Variants in PPP1R9A observed in about 807,000 individuals in gnomAD.
The protein encoded by PPP1R9A is neurabin-1.
PPP1R9A carries 59 observed loss-of-function variants against 141.9 expected under a neutral mutation model. That is an observed-to-expected ratio of 0.42 (90% CI 0.34 to 0.52). The LOEUF (loss-of-function observed/expected upper bound fraction) is 0.52, where lower values mean the gene tolerates loss of function less well. PPP1R9A is among the 20% of genes least tolerant of loss of function. The probability of loss-of-function intolerance (pLI) is 0.10; values close to 1 mark genes in which losing one functional copy is unlikely to be tolerated. For missense variants in PPP1R9A, 1,444 were observed against 1,611.9 expected, an observed-to-expected ratio of 0.90 and a Z score of 1.78; for synonymous variants, 500 against 569.7, an observed-to-expected ratio of 0.88 and a Z score of 1.74.
intron 7 of PPP1R9A, among the ~76,000 whole-genome samples, chr7:95,219,368 G>A (rs1026695471): frequency 1.3e-5 from 2 of 152,094 alleles, no homozygotes; most frequent in African/African-American, 4.8e-5. Flanking sequence ...CCCTTTGTGG[G>A]TAACCCGATG....
intron 4 of PPP1R9A, among the ~76,000 whole-genome samples, chr7:95,133,502 A>T (rs1270251645): frequency 8.7e-6 from 1 of 114,438 alleles, no homozygotes; most frequent in African/African-American, 3.3e-5. Context: ...AGGATATATT[A>T]TGCAGTCGTA....
intron 4 of PPP1R9A, among the ~76,000 whole-genome samples, chr7:95,153,818 A>C (rs763983481): frequency 6.6e-6 from 1 of 152,146 alleles, no homozygotes; most frequent in Non-Finnish European, 1.5e-5. Flanking sequence ...CTCATTACTT[A>C]TTATTGATCT....
intron 8 of PPP1R9A, among the ~76,000 whole-genome samples, chr7:95,234,385 G>A (rs28829005): frequency 0.011 from 1,747 of 152,172 alleles, 27 homozygotes; most frequent in African/African-American, 0.04. Flanking sequence ...CACCAACAGC[G>A]ACCAAGCTGA....
intron 2 of PPP1R9A, among the ~76,000 whole-genome samples, chr7:94,984,841 T>A (rs1291382322): frequency 7.2e-5 from 11 of 151,996 alleles, no homozygotes; most frequent in Non-Finnish European, 1.6e-4. Context: ...CTTCAGTTCT[T>A]TTCTGATCTT....
intron 5 of PPP1R9A, among the ~76,000 whole-genome samples, chr7:95,162,544 C>A (rs2152715337): frequency 6.6e-6 from 1 of 152,176 alleles, no homozygotes; most frequent in South Asian, 2.1e-4. Context: ...AAGTAAGAAG[C>A]AGTTTAGAGC....
intron 2 of PPP1R9A, among the ~76,000 whole-genome samples, chr7:94,970,004 A>C (rs1798684060): frequency 6.6e-6 from 1 of 152,084 alleles, no homozygotes; most frequent in African/African-American, 2.4e-5. Context: ...GCCCCCACCA[A>C]GCTGGGGTGT....
rs1344778262 is a variant in PPP1R9A, at chr7:95,293,057, C to T, written c.*2754C>T. ...AATATCTGGTTGCTATGAACTGATT[C>T]CCTAAAGGAGAGCTCAGTATGATTC... On this transcript the variant is annotated 3_prime_UTR_variant, in exon 20 of 20. Transcript: ENST00000433360. 2.0e-5 allele frequency: 3 copies of T among 152,108 alleles called. No homozygotes were observed. Among genetic ancestry groups the T allele is most frequent in the African/African-American group, 7.2e-5 (3 of 41,422 alleles). 9.4% of individuals were successfully genotyped at this position (152,108 alleles called of 1,614,324 possible).
intron 8 of PPP1R9A, among the ~76,000 whole-genome samples, chr7:95,233,637 C>A (rs1796284153): frequency 6.6e-6 from 1 of 152,116 alleles, no homozygotes; most frequent in Non-Finnish European, 1.5e-5. Flanking sequence ...GACACTTTTC[C>A]AAAAGACAGA....
Position 95,141,627 on chromosome 7 carries a change from T to C in PPP1R9A, c.1650-20240T>C, listed in dbSNP as rs1826709784. Among the ~76,000 whole-genome samples, 3 of 123,642 alleles carry C rather than the reference T, an allele frequency of 2.4e-5. No homozygotes were observed. The Admixed American group carries it at 2.6e-4, about 11-fold the overall frequency. 81.1% of individuals were successfully genotyped at this position (123,642 alleles called of 152,430 possible). A position where few individuals can be genotyped will look rare whatever the true frequency, so the allele number is the denominator to read the frequency against. Reference sequence around the variant, plus strand: ...TAAATGGAATACAGTATGTGGTCTTTTGTGACTGGCTTTTTTTTTTTTAAC... The same window carrying C: ...TAAATGGAATACAGTATGTGGTCTTCTGTGACTGGCTTTTTTTTTTTTAAC... On this transcript the variant is annotated intron_variant, in intron 4 of 19. Coordinates refer to ENST00000433360, the MANE Select transcript of PPP1R9A (RefSeq NM_001166160.2).
chr7:95,014,376 C>T lies in PPP1R9A; in HGVS notation c.1396-96883C>T, dbSNP rs192500571. Among the ~76,000 whole-genome samples the T allele has an allele frequency of 3.4e-4, 52 of 152,026 alleles. No homozygotes were observed. In the East Asian group the frequency reaches 7.0e-3, roughly 20 times the overall value. ...AGTTAATTGATAAAATATTCATAAG[C>T]TTGGGTTTATCTGCTCTTTCCTCAT... On this transcript the variant is annotated intron_variant, in intron 2 of 19. Transcript: ENST00000433360.
chr7:95,125,087 A>C (rs182838225), intron 4 of PPP1R9A, among the ~76,000 whole-genome samples: 136 of 152,286 alleles, frequency 8.9e-4, no homozygotes, highest in African/African-American at 2.9e-3. Flanking sequence ...TGATGCCTTA[A>C]ACTTACAGGG....
At chr7:95,287,015 A>G (rs1805477205) in intron 18 of PPP1R9A, 3 of 1,357,880 alleles carry the variant, frequency 2.2e-6, no homozygotes, top group Admixed American at 1.8e-5. Context: ...AGCTTGGTGC[A>G]ATTTTAATTT....
intron 2 of PPP1R9A, among the ~76,000 whole-genome samples, chr7:95,090,624 A>C (rs118142120): frequency 0.023 from 3,515 of 152,000 alleles, 57 homozygotes; most frequent in Non-Finnish European, 0.034. Context: ...CCTGGTCAAC[A>C]TAGTGAAACA....
chr7:94,915,564 A>G (rs914229940), intron 2 of PPP1R9A, among the ~76,000 whole-genome samples: 1 of 152,240 alleles, frequency 6.6e-6, no homozygotes, highest in African/African-American at 2.4e-5. Context: ...CTCAGAAAAC[A>G]AATTAAAATG....
At chr7:95,192,605 T>C (rs2152836199) in intron 5 of PPP1R9A, among the ~76,000 whole-genome samples, 1 of 152,174 alleles carries the variant, frequency 6.6e-6, no homozygotes, top group East Asian at 1.9e-4. Context: ...GATTATATAA[T>C]ATTTGTTCTG....
chr7:95,237,965 C>T (rs1796940525), intron 8 of PPP1R9A, among the ~76,000 whole-genome samples: 1 of 151,992 alleles, frequency 6.6e-6, no homozygotes, highest in Non-Finnish European at 1.5e-5. Context: ...TTAGGTACAT[C>T]AAATTTTCAT....
intron 2 of PPP1R9A, among the ~76,000 whole-genome samples, chr7:94,955,062 T>C (rs962193308): frequency 7.9e-5 from 12 of 152,008 alleles, no homozygotes; most frequent in Admixed American, 2.0e-4. Context: ...ATTAATACAA[T>C]TATTATTTAT....
chr7:95,268,415 GTTACAGGC>G lies in PPP1R9A; in HGVS notation c.2666-133_2666-126del, dbSNP rs1380055208. On this transcript the variant is annotated intron_variant, in intron 12 of 19. Transcript: ENST00000433360. ...CCACTGATTTCTTGGTTATTTCTTGGTTACAGGCTGTCATGGTGGTCACCTGATCCTTA... is the reference window on the plus strand; with the variant it reads ...CCACTGATTTCTTGGTTATTTCTTGGTGTCATGGTGGTCACCTGATCCTTA... The G allele has an allele frequency of 4.6e-6, 4 of 874,348 alleles. No homozygotes were observed. In the East Asian group the frequency reaches 1.0e-4, roughly 22 times the overall value. 54.2% of individuals were successfully genotyped at this position (874,348 alleles called of 1,614,324 possible).
chr7:95,213,486 A>G (rs1251895675), intron 7 of PPP1R9A, among the ~76,000 whole-genome samples: 3 of 151,602 alleles, frequency 2.0e-5, no homozygotes, highest in African/African-American at 7.3e-5. Context: ...ATTCCCAGCT[A>G]ATTTTGTATT....
Sources: allele counts gnomAD v4.1 joint callset (sites outside exome capture counted in the v4.1 genomes callset), GRCh38; gene constraint gnomAD v4.1.1; transcripts MANE v1.5; gene names NCBI Gene and HGNC (gene_info 2026-07-23, HGNC 2026-07-21).